The following CDKAL1 variants were observed in gnomAD, a reference collection of about 807,000 sequenced individuals.
CDKAL1 encodes the protein threonylcarbamoyladenosine tRNA methylthiotransferase.
A neutral mutation model predicts 68.2 loss-of-function variants in CDKAL1; 32 were observed. That is an observed-to-expected ratio of 0.47 (90% CI 0.35 to 0.63). The LOEUF is 0.63. Among genes scored for constraint, CDKAL1 ranks in the 30% least tolerant of loss-of-function variants. The pLI is 0.00. For missense variants in CDKAL1, 606 were observed against 696.7 expected (o/e 0.87, Z 1.47); for synonymous variants, 234 against 244.3 (o/e 0.96, Z 0.39).
intron 13 of CDKAL1, among the ~76,000 whole-genome samples, chr6:21,185,224 TAAA>T (rs35442433): frequency 1.4e-5 from 2 of 142,792 alleles, no homozygotes; most frequent in Non-Finnish European, 3.1e-5. Flanking sequence ...GAGAGGCCAT[TAAA>T]AAAAAAAAAA....
At chr6:20,865,914 A>T (rs1423675586) in intron 9 of CDKAL1, among the ~76,000 whole-genome samples, 2 of 152,176 alleles carry the variant, frequency 1.3e-5, no homozygotes, top group African/African-American at 4.8e-5. Flanking sequence ...TTTAATTTGA[A>T]AACTATTTGC....
intron 4 of CDKAL1, among the ~76,000 whole-genome samples, chr6:20,631,071 G>A (rs146958549): frequency 3.9e-5 from 6 of 152,252 alleles, no homozygotes; most frequent in South Asian, 2.1e-4. Context: ...ATAAAAGGTC[G>A]GCATGGTTTT....
At chr6:20,839,809 A>T (rs995844783) in intron 8 of CDKAL1, among the ~76,000 whole-genome samples, 2 of 151,410 alleles carry the variant, frequency 1.3e-5, no homozygotes, top group Non-Finnish European at 2.9e-5. Context: ...TCTGCCTAGC[A>T]CTCCTCCTAG....
At chr6:20,773,699 C>T (rs959652787) in intron 7 of CDKAL1, among the ~76,000 whole-genome samples, 2 of 152,030 alleles carry the variant, frequency 1.3e-5, no homozygotes, top group African/African-American at 4.8e-5. Context: ...AGGTGCCTGC[C>T]ACCACGCCCA....
chr6:20,580,002 A>T (rs1765075821), intron 4 of CDKAL1, among the ~76,000 whole-genome samples: 1 of 152,088 alleles, frequency 6.6e-6, no homozygotes, highest in Admixed American at 6.5e-5. Flanking sequence ...TACATAACCA[A>T]TTTTGTGCTT....
intron 8 of CDKAL1, among the ~76,000 whole-genome samples, chr6:20,811,077 C>G (rs907534935): frequency 6.6e-6 from 1 of 152,118 alleles, no homozygotes; most frequent in Non-Finnish European, 1.5e-5. Flanking sequence ...TCTCAGGAAA[C>G]CTAGCAGTTA....
chr6:21,000,756 C>T (rs1276686134), intron 11 of CDKAL1, among the ~76,000 whole-genome samples: 1 of 152,146 alleles, frequency 6.6e-6, no homozygotes, highest in Non-Finnish European at 1.5e-5. Flanking sequence ...CAAATTGTGT[C>T]ACTACAAAAT....
At chr6:20,990,987 G>A (rs1421223958) in intron 10 of CDKAL1, among the ~76,000 whole-genome samples, 11 of 152,180 alleles carry the variant, frequency 7.2e-5, no homozygotes, top group Admixed American at 5.9e-4. Context: ...ATAGGGAAAT[G>A]AACATAAACA....
intron 4 of CDKAL1, among the ~76,000 whole-genome samples, chr6:20,567,163 C>T (rs1447238094): frequency 4.6e-5 from 7 of 150,634 alleles, no homozygotes; most frequent in South Asian, 4.3e-4. Context: ...AATTGGTATA[C>T]GTGGCATAAT....
chr6:20,997,910 T>G (rs1208809535), intron 10 of CDKAL1, among the ~76,000 whole-genome samples: 1 of 152,174 alleles, frequency 6.6e-6, no homozygotes, highest in Non-Finnish European at 1.5e-5. Context: ...AAAAATTAGA[T>G]GATTTACATA....
intron 8 of CDKAL1, among the ~76,000 whole-genome samples, chr6:20,790,244 G>C (rs989939107): frequency 1.3e-5 from 2 of 152,212 alleles, no homozygotes; most frequent in Non-Finnish European, 2.9e-5. Flanking sequence ...CACATTGTAT[G>C]ACGGATTGTT....
intron 7 of CDKAL1, among the ~76,000 whole-genome samples, chr6:20,761,172 T>C (rs1019743860): frequency 4.6e-5 from 7 of 152,264 alleles, no homozygotes; most frequent in Non-Finnish European, 8.8e-5. Context: ...TGACATCGTA[T>C]GTCTGTCATT....
At chr6:20,842,222 ATTCT>A (rs1331823918) in intron 8 of CDKAL1, among the ~76,000 whole-genome samples, 2 of 152,186 alleles carry the variant, frequency 1.3e-5, no homozygotes, top group African/African-American at 4.8e-5. Context: ...CAAAATGCTT[ATTCT>A]TTCTTTTCTG....
At chr6:20,952,837 T>G (rs1764600151) in intron 9 of CDKAL1, among the ~76,000 whole-genome samples, 1 of 152,238 alleles carries the variant, frequency 6.6e-6, no homozygotes, top group African/African-American at 2.4e-5. Context: ...GAAAAGGATG[T>G]CAGGCATGGG....
At position 20,765,430 on chromosome 6, in the gene CDKAL1, A is replaced by G; in HGVS notation, c.517+6787A>G. Among the ~76,000 whole-genome samples, 2 of 30,224 alleles carry G rather than the reference A, an allele frequency of 6.6e-5. 1 individual carries two copies. Among genetic ancestry groups the G allele is most frequent in the South Asian group, 4.5e-3 (2 of 440 alleles). 19.8% of individuals were successfully genotyped at this position (30,224 alleles called of 152,430 possible). On this transcript the variant is annotated intron_variant, in intron 7 of 15. Transcript: ENST00000274695. ...CTCGGCCTCCCAAAGTGCTGGGATT[A>G]CAGGCGTGAGCCACCGCGCCCGGCC...
At chr6:20,930,108 C>T (rs964506292) in intron 9 of CDKAL1, among the ~76,000 whole-genome samples, 6 of 152,230 alleles carry the variant, frequency 3.9e-5, no homozygotes, top group Middle Eastern at 3.4e-3. Context: ...TGCATTAAAA[C>T]AACAAATCTA....
At chr6:20,561,270 C>T (rs182046163) in intron 4 of CDKAL1, among the ~76,000 whole-genome samples, 325 of 151,732 alleles carry the variant, frequency 2.1e-3, no homozygotes, top group African/African-American at 7.6e-3. Flanking sequence ...GGCGAAACCC[C>T]ATCTCTACTA....
intron 13 of CDKAL1, among the ~76,000 whole-genome samples, chr6:21,121,560 A>G (rs1263006743): frequency 6.6e-6 from 1 of 152,240 alleles, no homozygotes. Context: ...GAAGTTTGTC[A>G]TAGGGATTAA....
At chr6:20,929,840 C>T (rs1243867358) in intron 9 of CDKAL1, among the ~76,000 whole-genome samples, 1 of 152,186 alleles carries the variant, frequency 6.6e-6, no homozygotes, top group Non-Finnish European at 1.5e-5. Flanking sequence ...TCTCCCCATC[C>T]TGGACCCCAA....
Sources: gnomAD v4.1 joint callset for allele counts (sites outside exome capture counted in the v4.1 genomes callset) on GRCh38, gnomAD v4.1.1 for gene constraint, MANE v1.5 for transcripts, NCBI Gene and HGNC (gene_info 2026-07-23, HGNC 2026-07-21) for gene names.